Variants in SHCBP1L observed in about 807,000 individuals in gnomAD.
SHCBP1L encodes the protein SHC binding and spindle associated 1 like, also known as testicular spindle-associated protein SHCBP1L.
In SHCBP1L, 67 loss-of-function variants were observed where a neutral mutation model predicts 62.5. The observed-to-expected ratio is 1.07, with a 90% CI of 0.88 to 1.31. The LOEUF (loss-of-function observed/expected upper bound fraction) is 1.31. Among genes scored for constraint, SHCBP1L ranks in the 40% most tolerant of loss-of-function variants. The pLI, the probability that SHCBP1L is intolerant of heterozygous loss-of-function variation, is 0.00. For missense variants in SHCBP1L, 823 were observed against 809.8 expected (o/e 1.02, Z -0.20); for synonymous variants, 284 against 289.4 (o/e 0.98, Z 0.19).
intron 5 of SHCBP1L, among the ~76,000 whole-genome samples, chr1:182,938,689 G>A (rs1558002385): frequency 6.6e-6 from 1 of 152,124 alleles, no homozygotes; most frequent in Non-Finnish European, 1.5e-5. Context: ...CCCAAGGCTG[G>A]TCTCAAACTC....
intron 7 of SHCBP1L, 104 bp from the exon 8 acceptor site, chr1:182,904,534 CGTGTGTGTGTGTGTGTGT>C (rs61031217): frequency 9.3e-5 from 56 of 599,796 alleles, no homozygotes; most frequent in East Asian, 7.5e-4. Context: ...TCCCTGTGTG[CGTGTGTGTGTGTGTGTGT>C]GTGTGTGTGT....
chr1:182,920,573 G>A (rs1650497261), intron 6 of SHCBP1L, among the ~76,000 whole-genome samples: 1 of 152,160 alleles, frequency 6.6e-6, no homozygotes, highest in Non-Finnish European at 1.5e-5. Flanking sequence ...TAACCAGGCT[G>A]AAATGACAGA....
At chr1:182,918,363 C>G (rs974417604) in intron 6 of SHCBP1L, among the ~76,000 whole-genome samples, 2 of 151,430 alleles carry the variant, frequency 1.3e-5, no homozygotes, top group Non-Finnish European at 2.9e-5. Context: ...TTATATATCA[C>G]TAATGAACAA....
At position 182,951,141 on chromosome 1, in the gene SHCBP1L, T is replaced by C. The variant is rs111608776; in HGVS notation, c.555+177A>G. 3.4e-3 allele frequency among the ~76,000 whole-genome samples: 515 copies of C among 152,296 alleles called. 3 individuals carry two copies. The highest frequency in any genetic ancestry group is 0.012 in the African/African-American group (491 of 41,554). On this transcript the variant is annotated intron_variant, in intron 2 of 9. Coordinates refer to ENST00000367547, the MANE Select transcript of SHCBP1L (RefSeq NM_030933.4). ...ACTAGATTCCATTTAATGATAATGGTTTACAGGCACTAATATTCCCCTAAC... is the reference window on the plus strand; with the variant it reads ...ACTAGATTCCATTTAATGATAATGGCTTACAGGCACTAATATTCCCCTAAC...
chr1:182,928,318 A>T lies in SHCBP1L; in HGVS notation c.1182+1329T>A, dbSNP rs910515182. 4.6e-5 allele frequency among the ~76,000 whole-genome samples: 7 copies of T among 152,282 alleles called. 1 individual carries two copies. The South Asian group carries it at 1.4e-3, about 32-fold the overall frequency. On this transcript the variant is annotated intron_variant, in intron 6 of 9. Coordinates refer to ENST00000367547, the MANE Select transcript of SHCBP1L (RefSeq NM_030933.4). ...CCTACCATGTACCAAGCATCATGCTAGGTGACTGGATGAGTGGTAAATACT... is the reference window on the plus strand; with the variant it reads ...CCTACCATGTACCAAGCATCATGCTTGGTGACTGGATGAGTGGTAAATACT...
intron 5 of SHCBP1L, among the ~76,000 whole-genome samples, chr1:182,930,727 ATTTTTTT>A (rs71127328): frequency 5.7e-4 from 12 of 20,942 alleles, no homozygotes; most frequent in Admixed American, 9.9e-4. Context: ...ATATATATGT[ATTTTTTT>A]TTTTTTTTTT....
Position 182,903,070 on chromosome 1 carries a change from G to T in SHCBP1L, c.1679C>A (p.Ser560Ter). 6.3e-7 allele frequency: 1 copy of T among 1,595,450 alleles called. No individual in the cohort carries two copies. The highest frequency in any genetic ancestry group is 8.5e-7 in the Non-Finnish European group (1 of 1,171,388). Residue 560 changes from serine (S) to a stop codon, truncating the protein, a stop_gained, in exon 9 of 10, where the codon TCA becomes TAA. Coordinates refer to ENST00000367547, the MANE Select transcript of SHCBP1L (RefSeq NM_030933.4). LOFTEE classifies it high-confidence loss of function. ...ATTAACTCCACCTAAGGTGCTTTTTGAACTGTTACTGGTTCTGAGGTTATT... is the reference window on the plus strand; with the variant it reads ...ATTAACTCCACCTAAGGTGCTTTTTTAACTGTTACTGGTTCTGAGGTTATT... ...HCNNLRTSNS[S>*]KSTLGGVNMK... is the part of the protein sequence containing the mutation.
rs1164377476 is a variant in SHCBP1L, at chr1:182,931,943, A to ATTTTTTT, written c.1077-2198_1077-2192dup. Among the ~76,000 whole-genome samples the ATTTTTTT allele has an allele frequency of 7.7e-3, 536 of 69,664 alleles. 55 individuals are homozygous for ATTTTTTT. Among genetic ancestry groups the ATTTTTTT allele is most frequent in the African/African-American group, 0.023 (366 of 16,074 alleles). 45.7% of individuals were successfully genotyped at this position (69,664 alleles called of 152,430 possible). On this transcript the variant is annotated intron_variant, in intron 5 of 9. Coordinates refer to ENST00000367547, the MANE Select transcript of SHCBP1L (RefSeq NM_030933.4). ...CTCCCTTAATACTTGGGAACCACTG[A>ATTTTTTT]TTTTTTTTTTTTTTTTTTTTTTTTT...
intron 5 of SHCBP1L, among the ~76,000 whole-genome samples, chr1:182,930,617 A>T (rs1252763646): frequency 4.3e-5 from 5 of 115,528 alleles, no homozygotes; most frequent in Admixed American, 1.0e-4. Flanking sequence ...ATATATATAT[A>T]TTTTTTATTA....
chr1:182,913,742 G>T (rs984566631), intron 6 of SHCBP1L, among the ~76,000 whole-genome samples: 2 of 152,204 alleles, frequency 1.3e-5, no homozygotes, highest in African/African-American at 2.4e-5. Context: ...AGCACTTTGT[G>T]AGGCCAAGGC....
At chr1:182,933,604 TG>T (rs1298418426) in intron 5 of SHCBP1L, among the ~76,000 whole-genome samples, 2 of 152,144 alleles carry the variant, frequency 1.3e-5, no homozygotes, top group Non-Finnish European at 2.9e-5. Context: ...CTGTGTGTCT[TG>T]TTTTTTTATT....
At chr1:182,933,508 T>C (rs1651074044) in intron 5 of SHCBP1L, among the ~76,000 whole-genome samples, 1 of 152,298 alleles carries the variant, frequency 6.6e-6, no homozygotes, top group South Asian at 2.1e-4. Context: ...TTGAGGAAAA[T>C]GCCTTCTATT....
chr1:182,941,101 A>C (rs1302830780), intron 2 of SHCBP1L, among the ~76,000 whole-genome samples: 1 of 152,018 alleles, frequency 6.6e-6, no homozygotes, highest in Non-Finnish European at 1.5e-5. Flanking sequence ...TCCAGTGGGC[A>C]TCTAGCACAC....
intron 6 of SHCBP1L, 99 bp downstream of exon 6, chr1:182,929,548 G>T: frequency 1.6e-6 from 1 of 614,860 alleles, no homozygotes. Flanking sequence ...AGAAAATAAG[G>T]CATTAATGAT....
chr1:182,928,692 G>C (rs1005211306), intron 6 of SHCBP1L, among the ~76,000 whole-genome samples: 3 of 151,922 alleles, frequency 2.0e-5, no homozygotes, highest in Non-Finnish European at 2.9e-5. Context: ...AGTAGATGAT[G>C]GTACCATTTA....
chr1:182,907,299 G>A (rs908245006), intron 6 of SHCBP1L, among the ~76,000 whole-genome samples: 1 of 151,220 alleles, frequency 6.6e-6, no homozygotes, highest in Admixed American at 6.6e-5. Flanking sequence ...CAGGCATGGT[G>A]GTACATGCCT....
intron 6 of SHCBP1L, among the ~76,000 whole-genome samples, chr1:182,919,048 G>C (rs923863711): frequency 6.6e-6 from 1 of 152,102 alleles, no homozygotes; most frequent in Non-Finnish European, 1.5e-5. Flanking sequence ...AAAACTCTTA[G>C]GAAAAACCAT....
chr1:182,905,370 A>C, intron 7 of SHCBP1L, 126 bp downstream of exon 7: 1 of 990,854 alleles, frequency 1.0e-6, no homozygotes, highest in Non-Finnish European at 1.4e-6. Flanking sequence ...TAAAATGAAC[A>C]TAAAGGATTT....
At chr1:182,918,179 CAT>C (rs1365596806) in intron 6 of SHCBP1L, among the ~76,000 whole-genome samples, 6 of 145,930 alleles carry the variant, frequency 4.1e-5, no homozygotes, top group South Asian at 2.1e-4. Flanking sequence ...CACATATATA[CAT>C]ATATATACAC....
Sources: gnomAD v4.1 joint callset for allele counts (sites outside exome capture counted in the v4.1 genomes callset) on GRCh38, gnomAD v4.1.1 for gene constraint, MANE v1.5 for transcripts, NCBI Gene and HGNC (gene_info 2026-07-23, HGNC 2026-07-21) for gene names.